The following PCLO variants were observed in gnomAD, a reference collection of about 807,000 sequenced individuals.
The protein encoded by PCLO is piccolo presynaptic cytomatrix protein.
In PCLO, 82 loss-of-function variants were observed where a neutral mutation model predicts 427.5. The ratio of observed to expected loss-of-function variants is 0.19; its 90% CI spans 0.16 to 0.23. The LOEUF (loss-of-function observed/expected upper bound fraction) is 0.23, where lower values mean the gene tolerates loss of function less well. Ranked by LOEUF, PCLO falls within the 10% of genes least tolerant of loss-of-function variation. The pLI is 1.00. For synonymous variants in PCLO, 2,357 were observed against 2,155.4 expected, an observed-to-expected ratio of 1.09 and a Z score of -2.59; for missense variants, 6,239 against 6,115.9, an observed-to-expected ratio of 1.02 and a Z score of -0.67.
At chr7:82,820,638 T>C in intron 20 of PCLO, 2 of 1,230,496 alleles carry the variant, frequency 1.6e-6, no homozygotes, top group African/African-American at 1.6e-5. Context: ...ATGAGTGCAT[T>C]AACAATTTTT....
intron 3 of PCLO, among the ~76,000 whole-genome samples, chr7:83,015,489 C>CT (rs1181989419): frequency 6.6e-6 from 1 of 151,976 alleles, no homozygotes; most frequent in Non-Finnish European, 1.5e-5. Flanking sequence ...AAACATAATG[C>CT]TTTGTATCTC....
chr7:83,042,716 G>A (rs1255599407), intron 3 of PCLO, among the ~76,000 whole-genome samples: 1 of 152,088 alleles, frequency 6.6e-6, no homozygotes, highest in Admixed American at 6.6e-5. Flanking sequence ...CAAAATATTA[G>A]TTGGTTGTGG....
chr7:82,978,856 AAACACACACAC>A (rs1562896083), intron 3 of PCLO, among the ~76,000 whole-genome samples: 11 of 93,554 alleles, frequency 1.2e-4, no homozygotes, highest in African/African-American at 4.4e-4. Flanking sequence ...ACACACACAC[AAACACACACAC>A]ACACACACAC....
chr7:83,103,544 G>A (rs1034710717), intron 3 of PCLO, among the ~76,000 whole-genome samples: 2 of 151,846 alleles, frequency 1.3e-5, no homozygotes, highest in African/African-American at 4.8e-5. Flanking sequence ...ATACTATTAT[G>A]AGTCTGTCAA....
intron 4 of PCLO, among the ~76,000 whole-genome samples, chr7:82,961,587 T>C (rs781731456): frequency 2.6e-4 from 39 of 152,156 alleles, no homozygotes; most frequent in Non-Finnish European, 4.4e-4. Flanking sequence ...ACACTAGGAT[T>C]TTAGTTGTAT....
At chr7:82,948,886 G>GTAAT (rs1276681373) in intron 6 of PCLO, among the ~76,000 whole-genome samples, 2 of 152,194 alleles carry the variant, frequency 1.3e-5, no homozygotes, top group Admixed American at 6.5e-5. Flanking sequence ...GGACTATGAT[G>GTAAT]ATTATATCAC....
intron 2 of PCLO, among the ~76,000 whole-genome samples, chr7:83,154,437 C>T (rs1316402601): frequency 1.3e-5 from 2 of 152,086 alleles, no homozygotes; most frequent in African/African-American, 2.4e-5. Context: ...AAAGTTAAAG[C>T]AATACCATTG....
intron 3 of PCLO, among the ~76,000 whole-genome samples, chr7:83,131,578 G>A (rs1267576538): frequency 4.6e-5 from 7 of 152,128 alleles, no homozygotes; most frequent in Non-Finnish European, 8.8e-5. Context: ...GCTTGTATTA[G>A]AGAGTTGGAC....
chr7:83,079,055 T>A (rs1045127088), intron 3 of PCLO, among the ~76,000 whole-genome samples: 1 of 152,132 alleles, frequency 6.6e-6, no homozygotes, highest in Admixed American at 6.5e-5. Flanking sequence ...TACAAATTTA[T>A]AATAAATAAC....
chr7:82,800,656 C>T (rs572175115), intron 22 of PCLO, among the ~76,000 whole-genome samples: 18 of 152,014 alleles, frequency 1.2e-4, no homozygotes, highest in Admixed American at 9.2e-4. Context: ...AGTGCAGTGG[C>T]GAGATCTGGG....
chr7:82,805,846 G>T lies in PCLO; in HGVS notation c.14792-17C>A. 6.3e-7 allele frequency: 1 copy of T among 1,588,268 alleles called. No individual in the cohort carries two copies. Among genetic ancestry groups the T allele is most frequent in the South Asian group, 1.1e-5 (1 of 87,374 alleles). On this transcript the variant is annotated splice_polypyrimidine_tract_variant and intron_variant, in intron 20 of 24. Transcript: ENST00000333891. ...GAGGCTTTGCTGCATGGTGTGGGAA[G>T]ATTCAACACCACAGTCAATAAATGA...
Position 82,756,204 on chromosome 7 carries a change from T to C in PCLO, c.*2371A>G, listed in dbSNP as rs1408986108. 8 of 152,130 alleles carry C rather than the reference T, an allele frequency of 5.3e-5. No homozygotes were observed. The highest frequency in any genetic ancestry group is 7.4e-5 in the Non-Finnish European group (5 of 68,022). The allele number at this position is 152,130 out of a possible 1,614,324, so 9.4% of individuals were successfully genotyped here. A position where few individuals can be genotyped will look rare whatever the true frequency, so the allele number is the denominator to read the frequency against. ...GAGGATCAGAGATGAGTCAGGGTTT[T>C]CTTTTAAGGGCAAATACCAGAGCCT... On this transcript the variant is annotated 3_prime_UTR_variant, in exon 25 of 25. Transcript: ENST00000333891.
chr7:82,952,715 A>G lies in PCLO; in HGVS notation c.8238T>C (p.Asp2746=), dbSNP rs1314215784. Residue 2746 remains aspartate, a synonymous_variant, in exon 5 of 25, where the codon GAT becomes GAC. Transcript: ENST00000333891. ...VEVKTTDKCI[D]LSASTMDVKR... Reference sequence around the variant, plus strand: ...TCACATCCATTGTAGAAGCAGAAAGATCAATACATTTATCAGTTGTTTTAA... The same window carrying G: ...TCACATCCATTGTAGAAGCAGAAAGGTCAATACATTTATCAGTTGTTTTAA... 1 of 1,613,704 alleles carries G rather than the reference A, an allele frequency of 6.2e-7. No homozygotes were observed. Among genetic ancestry groups the G allele is most frequent in the African/African-American group, 1.3e-5 (1 of 74,934 alleles).
intron 18 of PCLO, among the ~76,000 whole-genome samples, chr7:82,825,724 T>C (rs1040058911): frequency 1.4e-5 from 2 of 147,458 alleles, no homozygotes; most frequent in Non-Finnish European, 3.0e-5. Context: ...TTGTATACAC[T>C]GTATAGTATA....
At chr7:83,088,594 C>A (rs1177481333) in intron 3 of PCLO, among the ~76,000 whole-genome samples, 1 of 152,168 alleles carries the variant, frequency 6.6e-6, no homozygotes, top group Non-Finnish European at 1.5e-5. Context: ...ATTGCACAAG[C>A]AACATTACTC....
chr7:82,975,879 G>A (rs1796005929), intron 3 of PCLO, among the ~76,000 whole-genome samples: 1 of 152,170 alleles, frequency 6.6e-6, no homozygotes, highest in Non-Finnish European at 1.5e-5. Flanking sequence ...ACCACCTTGT[G>A]AAGAAGGTAC....
chr7:82,782,744 G>C lies in PCLO; in HGVS notation c.15007+18774C>G, dbSNP rs1165814292. 3.9e-5 allele frequency among the ~76,000 whole-genome samples: 6 copies of C among 152,120 alleles called. No individual in the cohort carries two copies. In the East Asian group the frequency reaches 1.2e-3, roughly 29 times the overall value. On this transcript the variant is annotated intron_variant, in intron 22 of 24. Coordinates refer to ENST00000333891, the MANE Select transcript of PCLO (RefSeq NM_033026.6). ...TTCACTGTTATGTTTTTCATTTCAA[G>C]CAAAACTCTTCTAAAGTTTCCATAA...
intron 3 of PCLO, among the ~76,000 whole-genome samples, chr7:83,013,165 CAT>C (rs1221501977): frequency 2.0e-4 from 31 of 152,044 alleles, no homozygotes; most frequent in Admixed American, 1.6e-3. Flanking sequence ...ATAAAAATCA[CAT>C]GTGAGATATT....
chr7:82,968,384 C>T (rs1353221137), intron 3 of PCLO, among the ~76,000 whole-genome samples: 1 of 152,148 alleles, frequency 6.6e-6, no homozygotes, highest in Admixed American at 6.5e-5. Flanking sequence ...AAAGTTCTAG[C>T]TCTTGTGTTG....
Sources: allele counts gnomAD v4.1 joint callset (sites outside exome capture counted in the v4.1 genomes callset), GRCh38; gene constraint gnomAD v4.1.1; transcripts MANE v1.5; gene names NCBI Gene and HGNC (gene_info 2026-07-23, HGNC 2026-07-21).